The following PCDH15 variants were observed in gnomAD, a reference collection of about 807,000 sequenced individuals.
PCDH15 encodes protocadherin related 15.
PCDH15 carries 129 observed loss-of-function variants against 178.5 expected under a neutral mutation model. The ratio of observed to expected loss-of-function variants is 0.72; its 90% CI spans 0.63 to 0.84. PCDH15 has a LOEUF of 0.84. Among genes scored for constraint, PCDH15 ranks in the 40% least tolerant of loss-of-function variants. PCDH15 has a pLI of 0.00. For missense variants in PCDH15, 2,230 were observed against 2,099.9 expected, an observed-to-expected ratio of 1.06 and a Z score of -1.21; for synonymous variants, 800 against 732.0, an observed-to-expected ratio of 1.09 and a Z score of -1.50.
At chr10:55,091,885 T>C (rs1564790780) in intron 2 of PCDH15, among the ~76,000 whole-genome samples, 2 of 151,920 alleles carry the variant, frequency 1.3e-5, no homozygotes, top group South Asian at 2.1e-4. Context: ...GAGAAATGTA[T>C]AGTGTACTAT....
intron 2 of PCDH15, among the ~76,000 whole-genome samples, chr10:55,602,657 A>G (rs1473682631): frequency 6.6e-6 from 1 of 151,880 alleles, no homozygotes; most frequent in African/African-American, 2.4e-5. Flanking sequence ...GGGTACTCCA[A>G]CAGACCTGCA....
intron 2 of PCDH15, chr10:55,513,078 A>G (rs1277664036): frequency 6.6e-6 from 1 of 152,154 alleles, no homozygotes; most frequent in East Asian, 1.9e-4. Context: ...CAAAAAGAGT[A>G]ATAAGACGTA....
At chr10:54,232,880 C>CA (rs2054214156) in intron 9 of PCDH15, among the ~76,000 whole-genome samples, 1 of 149,544 alleles carries the variant, frequency 6.7e-6, no homozygotes, top group Admixed American at 6.7e-5. Context: ...TATTACTTTC[C>CA]ACTGTAGTCT....
intron 1 of PCDH15, among the ~76,000 whole-genome samples, chr10:54,743,289 C>T (rs1224479128): frequency 6.6e-6 from 1 of 151,936 alleles, no homozygotes; most frequent in African/African-American, 2.4e-5. Flanking sequence ...ACTTCAAGGA[C>T]TATTGAAATC....
intron 2 of PCDH15, among the ~76,000 whole-genome samples, chr10:55,441,118 A>C (rs1238649616): frequency 6.6e-6 from 1 of 152,178 alleles, no homozygotes; most frequent in Non-Finnish European, 1.5e-5. Flanking sequence ...AATTCTCTAC[A>C]AGTCTAATTT....
intron 3 of PCDH15, among the ~76,000 whole-genome samples, chr10:54,474,495 C>T (rs541689925): frequency 3.8e-4 from 57 of 151,964 alleles, no homozygotes; most frequent in African/African-American, 1.3e-3. Context: ...CATATGATGA[C>T]GATCCTTTTT....
chr10:54,760,543 T>C (rs1318656934), intron 1 of PCDH15, among the ~76,000 whole-genome samples: 3 of 152,158 alleles, frequency 2.0e-5, no homozygotes, highest in South Asian at 2.1e-4. Flanking sequence ...GAAGTATCCA[T>C]GCAATTCACG....
chr10:54,980,271 G>A (rs992350491), intron 2 of PCDH15, among the ~76,000 whole-genome samples: 32 of 152,068 alleles, frequency 2.1e-4, no homozygotes, highest in African/African-American at 5.3e-4. Flanking sequence ...GCCAATTAGC[G>A]TGCTCTAAGT....
At chr10:55,512,709 G>C (rs1354332450) in intron 2 of PCDH15, 1 of 152,062 alleles carries the variant, frequency 6.6e-6, no homozygotes, top group Non-Finnish European at 1.5e-5. Flanking sequence ...CAGGGGTCTA[G>C]GCCAAGCCAC....
chr10:54,732,443 A>T (rs1943542887), intron 1 of PCDH15, among the ~76,000 whole-genome samples: 1 of 151,546 alleles, frequency 6.6e-6, no homozygotes, highest in African/African-American at 2.4e-5. Flanking sequence ...ACCAACAAAT[A>T]TAAAATGGAC....
In PCDH15 at chr10:55,465,299, T is replaced by C. The variant is rs1368016872; in HGVS notation, c.-156+162326A>G. ...TCTTTAGGTTGGAACTGGTTTTGAA[T>C]AGGTTCCTTTATTGTGGAACCTGTT... On this transcript the variant is annotated intron_variant, in intron 2 of 5. Transcript: ENST00000613346. Among the ~76,000 whole-genome samples the C allele has an allele frequency of 2.0e-5, 3 of 152,180 alleles. No individual in the cohort carries two copies. In the East Asian group the frequency reaches 5.8e-4, roughly 29 times the overall value.
intron 2 of PCDH15, among the ~76,000 whole-genome samples, chr10:54,929,438 A>AT (rs1286510081): frequency 6.6e-6 from 1 of 152,010 alleles, no homozygotes; most frequent in Non-Finnish European, 1.5e-5. Flanking sequence ...CTTATATGCA[A>AT]TTTTTTTGTT....
rs1167078912 is a variant in PCDH15 at position 55,242,868 on chromosome 10, G to C, written c.-155-76217C>G. Among the ~76,000 whole-genome samples, 10 of 151,740 alleles carry C rather than the reference G, an allele frequency of 6.6e-5. No individual in the cohort carries two copies. In the East Asian group the frequency reaches 1.9e-3, roughly 29 times the overall value. On this transcript the variant is annotated intron_variant, in intron 1 of 5. Coordinates refer to the PCDH15 transcript ENST00000458638. ...ACAAAACAAACAAACAAACAAAAAA[G>C]GCACACACTGTTAGTAATTAAGTAA... is the stretch of plus-strand genomic sequence containing the variant.
chr10:54,096,442 G>A (rs1472271350), intron 15 of PCDH15, among the ~76,000 whole-genome samples: 1 of 151,582 alleles, frequency 6.6e-6, no homozygotes, highest in Non-Finnish European at 1.5e-5. Flanking sequence ...CCTGTTTTTT[G>A]CTCATTGTCA....
In PCDH15 at chr10:54,247,935, AATATAT is replaced by A. The variant is rs147562225; in HGVS notation, c.877-11010_877-11005del. On this transcript the variant is annotated intron_variant, in intron 8 of 37. Transcript: ENST00000644397. ...TGATTGATGTGAGGATGCATGAAAG[AATATAT>A]ATATATATATATATATATACACATA... Among the ~76,000 whole-genome samples, 64 of 139,398 alleles carry A rather than the reference AATATAT, an allele frequency of 4.6e-4. No individual in the cohort carries two copies. The South Asian group carries it at 6.8e-3, about 15-fold the overall frequency. The allele number at this position is 139,398 out of a possible 152,430, so 91.5% of individuals were successfully genotyped here.
At position 54,073,078 on chromosome 10, in the gene PCDH15, C is replaced by CT. The variant is rs545213577; in HGVS notation, c.2092-6194dup. ...GCATCAGGTATAAAAAATAAAGAAG[C>CT]TTTTTTTTCTCTGTGCACATCTGAG... On this transcript the variant is annotated intron_variant, in intron 17 of 37. Coordinates refer to ENST00000644397, the MANE Select transcript of PCDH15 (RefSeq NM_001384140.1). Among the ~76,000 whole-genome samples, 5 of 151,456 alleles carry CT rather than the reference C, an allele frequency of 3.3e-5. No homozygotes were observed. In the East Asian group the frequency reaches 7.7e-4, roughly 23 times the overall value.
intron 1 of PCDH15, among the ~76,000 whole-genome samples, chr10:55,259,362 G>T (rs954738025): frequency 1.3e-5 from 2 of 152,124 alleles, no homozygotes; most frequent in Non-Finnish European, 2.9e-5. Flanking sequence ...AAAGGGAAAA[G>T]AAAATGGGAA....
intron 26 of PCDH15, among the ~76,000 whole-genome samples, chr10:53,882,650 A>G (rs2080810329): frequency 6.6e-6 from 1 of 152,184 alleles, no homozygotes; most frequent in Non-Finnish European, 1.5e-5. Flanking sequence ...GGTGTGAGCC[A>G]CCGTGCCTGA....
intron 1 of PCDH15, among the ~76,000 whole-genome samples, chr10:55,222,148 T>G (rs1840895126): frequency 6.6e-6 from 1 of 151,886 alleles, no homozygotes; most frequent in Non-Finnish European, 1.5e-5. Context: ...GTGCTGGGAT[T>G]ACAGGTGTGA....
Sources: gnomAD v4.1 joint callset for allele counts (sites outside exome capture counted in the v4.1 genomes callset) on GRCh38, gnomAD v4.1.1 for gene constraint, MANE v1.5 for transcripts, NCBI Gene and HGNC (gene_info 2026-07-23, HGNC 2026-07-21) for gene names.